DCBLD2: variants seen among roughly 807,000 people sequenced by gnomAD.
DCBLD2 encodes the protein discoidin, CUB and LCCL domain-containing protein 2.
DCBLD2 carries 54 observed loss-of-function variants against 86.8 expected under a neutral mutation model. The ratio of observed to expected loss-of-function variants is 0.62; its 90% CI spans 0.50 to 0.78. DCBLD2 has a LOEUF of 0.78. DCBLD2 is among the 30% of genes least tolerant of loss of function. DCBLD2 has a pLI of 0.00. For synonymous variants in DCBLD2, 354 were observed against 341.3 expected, an observed-to-expected ratio of 1.04 and a Z score of -0.41; for missense variants, 908 against 954.2, an observed-to-expected ratio of 0.95 and a Z score of 0.64.
At chr3:98,865,616 C>T (rs1035588346) in intron 2 of DCBLD2, among the ~76,000 whole-genome samples, 7 of 151,978 alleles carry the variant, frequency 4.6e-5, no homozygotes, top group Admixed American at 6.5e-5. Flanking sequence ...ACGTTAAGTA[C>T]GTGAGGTAAT....
At chr3:98,807,858 C>T in intron 13 of DCBLD2, 1 of 309,372 alleles carries the variant, frequency 3.2e-6, no homozygotes. Flanking sequence ...ATGTACATAT[C>T]CCAGTGTATA....
chr3:98,801,562 C>A, intron 14 of DCBLD2, 38 bp downstream of exon 14: 1 of 1,574,516 alleles, frequency 6.4e-7, no homozygotes, highest in East Asian at 2.3e-5. Context: ...AGCGACATCC[C>A]TCTGATAGAA....
chr3:98,811,230 T>A lies in DCBLD2; in HGVS notation c.1540A>T (p.Ile514Phe), dbSNP rs1941932745. 3 of 1,611,620 alleles carry A rather than the reference T, an allele frequency of 1.9e-6. No individual in the cohort carries two copies. The highest frequency in any genetic ancestry group is 1.7e-6 in the Non-Finnish European group (2 of 1,179,124). Residue 514 changes from isoleucine to phenylalanine, a missense_variant, in exon 12 of 16, where the codon ATC becomes TTC. This residue lies in a region of DCBLD2 where 606 missense variants were observed against 678.5 expected (regional missense o/e 0.89). Coordinates refer to ENST00000326840, the MANE Select transcript of DCBLD2 (RefSeq NM_080927.4). ...QTEQTTASPDIRNTTVTPNVT... is the reference protein window; with the variant it reads ...QTEQTTASPDFRNTTVTPNVT... ...TTTGGAGTTACGGTAGTATTTCTGA[T>A]ATCAGGACTGGCAGTTGTTTGTTCT...
chr3:98,882,570 C>T (rs1943490436), intron 1 of DCBLD2, among the ~76,000 whole-genome samples: 1 of 152,148 alleles, frequency 6.6e-6, no homozygotes, highest in South Asian at 2.1e-4. Context: ...ATCCCTTCCC[C>T]AGCCTCCCAG....
chr3:98,822,608 C>G, intron 5 of DCBLD2, 61 bp downstream of exon 5: 2 of 1,462,862 alleles, frequency 1.4e-6, no homozygotes, highest in Non-Finnish European at 1.8e-6. Flanking sequence ...TCTAACTACT[C>G]TGGAGTTCTA....
chr3:98,901,630 C>G lies in DCBLD2; in HGVS notation c.-304G>C. On this transcript the variant is annotated 5_prime_UTR_variant, in exon 1 of 16. Coordinates refer to ENST00000326840, the MANE Select transcript of DCBLD2 (RefSeq NM_080927.4). ...GCTAAGGAACGTGCCTCCCGCGCCGCGCTCCTCACCAGGGTCGCCGCTCGC... is the reference window on the plus strand; with the variant it reads ...GCTAAGGAACGTGCCTCCCGCGCCGGGCTCCTCACCAGGGTCGCCGCTCGC... 1 of 227,604 alleles carries G rather than the reference C, an allele frequency of 4.4e-6. No individual in the cohort carries two copies. Among genetic ancestry groups the G allele is most frequent in the Non-Finnish European group, 8.5e-6 (1 of 117,656 alleles). The allele number at this position is 227,604 out of a possible 1,614,324, so 14.1% of individuals were successfully genotyped here.
chr3:98,817,276 G>T (rs2107442462), intron 9 of DCBLD2, among the ~76,000 whole-genome samples: 1 of 152,270 alleles, frequency 6.6e-6, no homozygotes. Context: ...AATTCTTCAT[G>T]TAAGAAAAAA....
At chr3:98,806,857 A>G (rs923433557) in intron 13 of DCBLD2, among the ~76,000 whole-genome samples, 2 of 152,136 alleles carry the variant, frequency 1.3e-5, no homozygotes, top group African/African-American at 4.8e-5. Flanking sequence ...AACTAGTCAT[A>G]CATCCTGTCA....
intron 15 of DCBLD2, 102 bp downstream of exon 15, chr3:98,800,477 A>T: frequency 2.3e-6 from 3 of 1,291,372 alleles, no homozygotes; most frequent in African/African-American, 1.5e-5. Context: ...TTCATTTCTT[A>T]AACATGAAAG....
intron 2 of DCBLD2, among the ~76,000 whole-genome samples, chr3:98,857,711 G>A (rs1942961664): frequency 6.6e-6 from 1 of 151,984 alleles, no homozygotes; most frequent in Non-Finnish European, 1.5e-5. Context: ...AGACATAAAG[G>A]TTCTCCACGT....
At chr3:98,891,361 G>C (rs1355393731) in intron 1 of DCBLD2, among the ~76,000 whole-genome samples, 8 of 151,948 alleles carry the variant, frequency 5.3e-5, no homozygotes, top group African/African-American at 9.7e-5. Flanking sequence ...AACTGACTTG[G>C]CTCTCTCAAA....
In DCBLD2 at chr3:98,841,839, G is replaced by A. The variant is rs2107475260; in HGVS notation, c.571+7622C>T. Among the ~76,000 whole-genome samples the A allele has an allele frequency of 1.3e-5, 2 of 152,282 alleles. 1 individual carries two copies. The highest frequency in any genetic ancestry group is 4.8e-5 in the African/African-American group (2 of 41,558). ...GCACTTTGGGAGGCCGAGGCAGGCAGATCACGAGGTCAGGAGATCGAGACC... is the reference window on the plus strand; with the variant it reads ...GCACTTTGGGAGGCCGAGGCAGGCAAATCACGAGGTCAGGAGATCGAGACC... On this transcript the variant is annotated intron_variant, in intron 3 of 15. Transcript: ENST00000326840.
Position 98,901,205 on chromosome 3 carries a change from T to G in DCBLD2, c.122A>C (p.Asn41Thr), listed in dbSNP as rs894801840. The change falls in exon 1 of 16, where the codon AAC (asparagine) becomes ACC (threonine). Residue 41 changes from asparagine (N) to threonine (T), a missense_variant. Coordinates refer to ENST00000326840, the MANE Select transcript of DCBLD2 (RefSeq NM_080927.4). ...PLSRSLPPCS[N>T]SSSFSMPLFL... The stretch of plus-strand genomic sequence containing the variant: ...CAGAGGCATGGAGAAGGAGGAGGAG[T>G]TGGAGCAGGGAGGGAGGGAGCGGGA... 1 of 1,535,806 alleles carries G rather than the reference T, an allele frequency of 6.5e-7. No individual in the cohort carries two copies. Among genetic ancestry groups the G allele is most frequent in the Non-Finnish European group, 8.7e-7 (1 of 1,146,404 alleles).
intron 2 of DCBLD2, among the ~76,000 whole-genome samples, chr3:98,867,193 C>CT (rs1490396405): frequency 6.6e-6 from 1 of 152,124 alleles, no homozygotes; most frequent in Non-Finnish European, 1.5e-5. Flanking sequence ...AATGCCAGCT[C>CT]TTTTTTGGTT....
chr3:98,851,422 C>T (rs1025420850), intron 2 of DCBLD2, among the ~76,000 whole-genome samples: 9 of 152,176 alleles, frequency 5.9e-5, no homozygotes, highest in Admixed American at 4.6e-4. Flanking sequence ...CTACAAAGCA[C>T]TGCTCAAGGA....
At chr3:98,863,510 CAG>C (rs1943084802) in intron 2 of DCBLD2, among the ~76,000 whole-genome samples, 1 of 152,176 alleles carries the variant, frequency 6.6e-6, no homozygotes, top group South Asian at 2.1e-4. Flanking sequence ...GGGACCAAAA[CAG>C]AGATATAGAC....
chr3:98,891,929 TTA>T (rs10531018), intron 1 of DCBLD2, among the ~76,000 whole-genome samples: 47,849 of 152,010 alleles, frequency 0.31, 8,678 homozygotes, highest in East Asian at 0.68. Context: ...TTATGCATAT[TTA>T]TGTCAGGTTA....
chr3:98,892,617 A>G lies in DCBLD2; in HGVS notation c.205+8505T>C, dbSNP rs550939096. ...AAAGAGAAAGCCAGACTGAAACAAG[A>G]GGGAAGAACTAAGCTGAGTCCTTGG... On this transcript the variant is annotated intron_variant, in intron 1 of 15. Coordinates refer to ENST00000326840, the MANE Select transcript of DCBLD2 (RefSeq NM_080927.4). Among the ~76,000 whole-genome samples the G allele has an allele frequency of 5.9e-5, 9 of 152,126 alleles. No homozygotes were observed. The South Asian group carries it at 1.9e-3, about 32-fold the overall frequency.
At position 98,886,809 on chromosome 3, in the gene DCBLD2, CTTTT is replaced by C. The variant is rs1553734159; in HGVS notation, c.206-5046_206-5043del. Reference sequence around the variant, plus strand: ...ATATTATTACAGGAAAACCCCCCCCCTTTTTTTTTTTTTTTTACTACTTATCCCT... The same window carrying C: ...ATATTATTACAGGAAAACCCCCCCCCTTTTTTTTTTTTACTACTTATCCCT... On this transcript the variant is annotated intron_variant, in intron 1 of 15. Transcript: ENST00000326840. Among the ~76,000 whole-genome samples the C allele has an allele frequency of 2.1e-3, 259 of 121,520 alleles. 2 individuals carry two copies. Among genetic ancestry groups the C allele is most frequent in the African/African-American group, 7.2e-3 (239 of 32,986 alleles). 79.7% of individuals were successfully genotyped at this position (121,520 alleles called of 152,430 possible). A position where few individuals can be genotyped will look rare whatever the true frequency, so the allele number is the denominator to read the frequency against.
Sources: allele counts gnomAD v4.1 joint callset (sites outside exome capture counted in the v4.1 genomes callset), GRCh38; gene constraint gnomAD v4.1.1; regional missense constraint gnomAD v4.1.1; transcripts MANE v1.5; gene names NCBI Gene and HGNC (gene_info 2026-07-23, HGNC 2026-07-21).